MARS2: variants seen among roughly 807,000 people sequenced by gnomAD.
MARS2 encodes the protein methionine--tRNA ligase, mitochondrial.
Under a neutral mutation model 43.8 loss-of-function variants are expected in MARS2, and 33 were observed. The ratio of observed to expected loss-of-function variants is 0.75; its 90% CI spans 0.57 to 1.01. MARS2 has a LOEUF of 1.01. MARS2 is among the 50% of genes least tolerant of loss of function. MARS2 has a pLI of 0.00. For missense variants in MARS2, 720 were observed against 763.0 expected (o/e 0.94, Z 0.66); for synonymous variants, 351 against 325.5 (o/e 1.08, Z -0.84).
rs755607289 is a variant in MARS2 at position 197,706,779 on chromosome 2, G to C, written c.1374G>C (p.Lys458Asn). ...ALVSAVATLP[K>N]QVADHYDNFR... ...TGAGCGCAGTGGCCACTTTGCCAAA[G>C]CAGGTAGCAGACCACTATGATAACT... The change falls in exon 1 of 1, where the codon AAG becomes AAC. Residue 458 changes from lysine (K) to asparagine (N), a missense_variant. Lys to Asn is a moderately conservative substitution (Grantham distance 94). Transcript: ENST00000282276. 12 of 1,614,126 alleles carry C rather than the reference G, an allele frequency of 7.4e-6. No individual in the cohort carries two copies. In the East Asian group the frequency reaches 2.7e-4, roughly 36 times the overall value.
chr2:197,705,399 C>G lies in MARS2; in HGVS notation c.-7C>G, dbSNP rs776889693. 4.4e-6 allele frequency: 7 copies of G among 1,604,246 alleles called. No homozygotes were observed. The African/African-American group carries it at 6.7e-5, about 15-fold the overall frequency. ...GCCGCCTCCTCCGCTTGCGGCCGGT[C>G]TGCACCATGCTGCGAACGTCCGTCC... On this transcript the variant is annotated 5_prime_UTR_variant, in exon 1 of 1. Coordinates refer to ENST00000282276, the MANE Select transcript of MARS2 (RefSeq NM_138395.4).
In MARS2 at chr2:197,705,417, G is replaced by T. The variant is rs114975857; in HGVS notation, c.12G>T (p.Thr4=). MLR[T]SVLRLLGRTG... is the part of the protein sequence containing the mutation. ...GGCCGGTCTGCACCATGCTGCGAAC[G>T]TCCGTCCTCCGCCTGCTAGGACGCA... is the stretch of plus-strand genomic sequence containing the variant. Residue 4 remains threonine (T), a synonymous_variant, in exon 1 of 1, where the codon ACG becomes ACT. Coordinates refer to ENST00000282276, the MANE Select transcript of MARS2 (RefSeq NM_138395.4). 9 of 1,609,944 alleles carry T rather than the reference G, an allele frequency of 5.6e-6. No homozygotes were observed. In the Admixed American group the frequency reaches 1.2e-4, roughly 21 times the overall value.
chr2:197,706,192 C>G lies in MARS2; in HGVS notation c.787C>G (p.His263Asp), dbSNP rs754854652. 6.2e-7 allele frequency: 1 copy of G among 1,614,254 alleles called. No individual in the cohort carries two copies. Among genetic ancestry groups the G allele is most frequent in the South Asian group, 1.1e-5 (1 of 91,092 alleles). The part of the protein sequence containing the change: ...LSVSRRSSHL[H>D]WGIPVPGDDS... The stretch of plus-strand genomic sequence containing the variant: ...CGTGTCTCGCAGAAGTAGCCACTTG[C>G]ACTGGGGCATTCCGGTGCCCGGGGA... The change falls in exon 1 of 1, where the codon CAC becomes GAC. Residue 263 changes from histidine (H) to aspartate (D), a missense_variant. Physicochemically the swap from His to Asp is moderately conservative, Grantham distance 81. Transcript: ENST00000282276.
Position 197,705,440 on chromosome 2 carries a change from G to A in MARS2, c.35G>A (p.Arg12His), listed in dbSNP as rs2089465274. ...ACGTCCGTCCTCCGCCTGCTAGGACGCACGGGGGCTAGTAGGCTGTCTCTC... is the reference window on the plus strand; with the variant it reads ...ACGTCCGTCCTCCGCCTGCTAGGACACACGGGGGCTAGTAGGCTGTCTCTC... Reference protein sequence around the residue: ...LRTSVLRLLGRTGASRLSLLE... With the variant: ...LRTSVLRLLGHTGASRLSLLE... The change falls in exon 1 of 1, where the codon CGC becomes CAC. Residue 12 changes from arginine (R) to histidine (H), a missense_variant. Coordinates refer to ENST00000282276, the MANE Select transcript of MARS2 (RefSeq NM_138395.4). The A allele has an allele frequency of 6.2e-7, 1 of 1,611,998 alleles. No homozygotes were observed. The highest frequency in any genetic ancestry group is 1.7e-5 in the Admixed American group (1 of 59,950).
chr2:197,706,163 T>A lies in MARS2; in HGVS notation c.758T>A (p.Leu253Gln). Residue 253 changes from leucine (L) to glutamine (Q), a missense_variant, in exon 1 of 1, where the codon CTG becomes CAG. Transcript: ENST00000282276. ...LQWLDEELPD[L>Q]SVSRRSSHLH... ...TGGCTGGACGAGGAGCTGCCCGACC[T>A]GTCCGTGTCTCGCAGAAGTAGCCAC... 1.2e-6 allele frequency: 2 copies of A among 1,614,182 alleles called. No homozygotes were observed. The highest frequency in any genetic ancestry group is 1.7e-6 in the Non-Finnish European group (2 of 1,180,042).
rs1273656536 is a variant in MARS2 at position 197,706,208 on chromosome 2, T to G, written c.803T>G (p.Val268Gly). ...AGCCACTTGCACTGGGGCATTCCGGTGCCCGGGGATGATTCGCAGACCATC... is the reference window on the plus strand; with the variant it reads ...AGCCACTTGCACTGGGGCATTCCGGGGCCCGGGGATGATTCGCAGACCATC... ...RSSHLHWGIP[V>G]PGDDSQTIYV... Residue 268 changes from valine to glycine, a missense_variant, in exon 1 of 1, where the codon GTG becomes GGG. Transcript: ENST00000282276. The G allele has an allele frequency of 1.9e-6, 3 of 1,614,206 alleles. No individual in the cohort carries two copies. In the South Asian group the frequency reaches 3.3e-5, roughly 18 times the overall value.
rs759306911 is a variant in MARS2, at chr2:197,706,421, C to A, written c.1016C>A (p.Ser339Tyr). ...CCGCCACAGCGCATCTGTGTCCATT[C>A]CCACTGGACAGTCTGTGGCCAAAAG... Reference protein sequence around the residue: ...MSPPQRICVHSHWTVCGQKMS... With the variant: ...MSPPQRICVHYHWTVCGQKMS... The change falls in exon 1 of 1, where the codon TCC (serine) becomes TAC (tyrosine). Residue 339 changes from serine (S) to tyrosine (Y), a missense_variant. Coordinates refer to ENST00000282276, the MANE Select transcript of MARS2 (RefSeq NM_138395.4). 3.1e-6 allele frequency: 5 copies of A among 1,614,112 alleles called. No homozygotes were observed. In the South Asian group the frequency reaches 5.5e-5, roughly 18 times the overall value.
At position 197,706,293 on chromosome 2, in the gene MARS2, G is replaced by A. The variant is rs778900784; in HGVS notation, c.888G>A (p.Glu296=). The A allele has an allele frequency of 6.2e-7, 1 of 1,614,234 alleles. No homozygotes were observed. Among genetic ancestry groups the A allele is most frequent in the Middle Eastern group, 1.6e-4 (1 of 6,062 alleles). The change falls in exon 1 of 1, where the codon GAG becomes GAA. Residue 296 remains glutamate (E), a synonymous_variant. Coordinates refer to ENST00000282276, the MANE Select transcript of MARS2 (RefSeq NM_138395.4). ...YLTVIGYPNA[E]FKSWWPATSH... is the part of the protein sequence containing the mutation. ...CTGTAATTGGCTACCCAAATGCTGAGTTCAAATCTTGGTGGCCGGCCACCT... is the reference window on the plus strand; with the variant it reads ...CTGTAATTGGCTACCCAAATGCTGAATTCAAATCTTGGTGGCCGGCCACCT...
In MARS2 at chr2:197,706,471, G is replaced by A; in HGVS notation, c.1066G>A (p.Val356Met). The change falls in exon 1 of 1, where the codon GTG becomes ATG. Residue 356 changes from valine (V) to methionine (M), a missense_variant. Transcript: ENST00000282276. The part of the protein sequence containing the change: ...QKMSKSLGNV[V>M]DPRTCLNRYT... ...GATGTCCAAGAGCTTGGGCAACGTG[G>A]TGGATCCTAGGACTTGCCTTAACCG... The A allele has an allele frequency of 6.2e-7, 1 of 1,613,738 alleles. No homozygotes were observed.
Position 197,707,090 on chromosome 2 carries a change from G to A in MARS2, c.1685G>A (p.Cys562Tyr). The change falls in exon 1 of 1, where the codon TGC becomes TAC. Residue 562 changes from cysteine (C) to tyrosine (Y), a missense_variant. Cys to Tyr is a radical substitution (Grantham distance 194). Transcript: ENST00000282276. ...YFLPRFYGHP[C>Y]PFEGRRLGPE... ...TTGCCTCGATTCTATGGACATCCATGCCCTTTTGAAGGGAGGAGGCTGGGA... is the reference window on the plus strand; with the variant it reads ...TTGCCTCGATTCTATGGACATCCATACCCTTTTGAAGGGAGGAGGCTGGGA... 7 of 1,614,204 alleles carry A rather than the reference G, an allele frequency of 4.3e-6. No homozygotes were observed. The highest frequency in any genetic ancestry group is 5.9e-6 in the Non-Finnish European group (7 of 1,180,038).
rs1157126915 is a variant in MARS2, at chr2:197,707,760, A to G, written c.*573A>G. ...GTCTCCCTGCTTTGTTAATAGTCCA[A>G]CAGTTGGGTTGTGTAACATCACACT... On this transcript the variant is annotated 3_prime_UTR_variant, in exon 1 of 1. Transcript: ENST00000282276. 2 of 168,060 alleles carry G rather than the reference A, an allele frequency of 1.2e-5. No individual in the cohort carries two copies. The highest frequency in any genetic ancestry group is 2.9e-5 in the Non-Finnish European group (2 of 68,776). 10.4% of individuals were successfully genotyped at this position (168,060 alleles called of 1,614,324 possible).
At position 197,707,393 on chromosome 2, in the gene MARS2, TG is replaced by T. The variant is rs1041124636; in HGVS notation, c.*207del. The T allele has an allele frequency of 5.1e-5, 29 of 570,660 alleles. No homozygotes were observed. Among genetic ancestry groups the T allele is most frequent in the Middle Eastern group, 9.8e-4 (2 of 2,046 alleles). 35.3% of individuals were successfully genotyped at this position (570,660 alleles called of 1,614,324 possible). A position where few individuals can be genotyped will look rare whatever the true frequency, so the allele number is the denominator to read the frequency against. On this transcript the variant is annotated 3_prime_UTR_variant, in exon 1 of 1. Transcript: ENST00000282276. The stretch of plus-strand genomic sequence containing the variant: ...CCATTGATCACTGTCCTTTGTGCAT[TG>T]TGTGTCTAAGATGTCTTCAGGGGAA...
chr2:197,708,163 A>G lies in MARS2; in HGVS notation c.*976A>G, dbSNP rs1183485433. 1 of 167,202 alleles carries G rather than the reference A, an allele frequency of 6.0e-6. No individual in the cohort carries two copies. The highest frequency in any genetic ancestry group is 1.9e-4 in the East Asian group (1 of 5,332). The allele number at this position is 167,202 out of a possible 1,614,324, so 10.4% of individuals were successfully genotyped here. Reference sequence around the variant, plus strand: ...ACAGGTATGATTTAAAAATTTGTAAATAGTTCAAAAGGGCAATGTTTTCTT... The same window carrying G: ...ACAGGTATGATTTAAAAATTTGTAAGTAGTTCAAAAGGGCAATGTTTTCTT... On this transcript the variant is annotated 3_prime_UTR_variant, in exon 1 of 1. Transcript: ENST00000282276.
rs940725043 is a variant in MARS2 at position 197,706,706 on chromosome 2, G to T, written c.1301G>T (p.Gly434Val). 1 of 1,614,018 alleles carries T rather than the reference G, an allele frequency of 6.2e-7. No homozygotes were observed. The highest frequency in any genetic ancestry group is 8.5e-7 in the Non-Finnish European group (1 of 1,180,038). Reference sequence around the variant, plus strand: ...ACTACCTGCTTCCCTAGTGAGCCAGGGTTGGTGGGGCCGTCAGTTCGTGCT... The same window carrying T: ...ACTACCTGCTTCCCTAGTGAGCCAGTGTTGGTGGGGCCGTCAGTTCGTGCT... ...FCTTCFPSEPGLVGPSVRAQA... is the reference protein window; with the variant it reads ...FCTTCFPSEPVLVGPSVRAQA... Residue 434 changes from glycine (G) to valine (V), a missense_variant, in exon 1 of 1, where the codon GGG (glycine) becomes GTG (valine). Gly to Val is a moderately radical substitution (Grantham distance 109, BLOSUM62 -3). Coordinates refer to ENST00000282276, the MANE Select transcript of MARS2 (RefSeq NM_138395.4).
chr2:197,708,013 A>C lies in MARS2; in HGVS notation c.*826A>C, dbSNP rs2089489908. ...TTCTTTTTCAGACTACTGAAAAATG[A>C]CATTTACTCTGTTAAATGTTTAATA... On this transcript the variant is annotated 3_prime_UTR_variant, in exon 1 of 1. Transcript: ENST00000282276. 6.0e-6 allele frequency: 1 copy of C among 167,126 alleles called. No homozygotes were observed. 10.4% of individuals were successfully genotyped at this position (167,126 alleles called of 1,614,324 possible). A position where few individuals can be genotyped will look rare whatever the true frequency, so the allele number is the denominator to read the frequency against.
rs2089484485 is a variant in MARS2, at chr2:197,707,252, A to G, written c.*65A>G. The G allele has an allele frequency of 1.3e-5, 19 of 1,440,250 alleles. No individual in the cohort carries two copies. Among genetic ancestry groups the G allele is most frequent in the Non-Finnish European group, 1.7e-5 (18 of 1,062,666 alleles). The allele number at this position is 1,440,250 out of a possible 1,614,324, so 89.2% of individuals were successfully genotyped here. On this transcript the variant is annotated 3_prime_UTR_variant, in exon 1 of 1. Coordinates refer to ENST00000282276, the MANE Select transcript of MARS2 (RefSeq NM_138395.4). ...TGTTATCTTTTTATTTTTTATTTTC[A>G]GGAAAGTTATACTAGTATTTTCTTA...
At position 197,706,133 on chromosome 2, in the gene MARS2, T is replaced by A. The variant is rs1280825822; in HGVS notation, c.728T>A (p.Leu243His). 6.2e-7 allele frequency: 1 copy of A among 1,614,146 alleles called. No individual in the cohort carries two copies. The highest frequency in any genetic ancestry group is 8.5e-7 in the Non-Finnish European group (1 of 1,180,028). ...CCCGAACCATTTCATCACGTAGTTC[T>A]TCAGTGGCTGGACGAGGAGCTGCCC... ...ITPEPFHHVV[L>H]QWLDEELPDL... Residue 243 changes from leucine to histidine, a missense_variant, in exon 1 of 1, where the codon CTT becomes CAT. By Grantham distance (99) the Leu-to-His change is moderately conservative. Transcript: ENST00000282276.
chr2:197,706,796 A>G lies in MARS2; in HGVS notation c.1391A>G (p.Tyr464Cys), dbSNP rs371559751. The stretch of plus-strand genomic sequence containing the variant: ...TTGCCAAAGCAGGTAGCAGACCACT[A>G]TGATAACTTTCGGATATATAAGGCT... ...ATLPKQVADH[Y>C]DNFRIYKALE... Residue 464 changes from tyrosine (Y) to cysteine (C), a missense_variant, in exon 1 of 1, where the codon TAT becomes TGT. By Grantham distance (194) the Tyr-to-Cys change is radical (BLOSUM62 -2). Coordinates refer to ENST00000282276, the MANE Select transcript of MARS2 (RefSeq NM_138395.4). The G allele has an allele frequency of 3.3e-5, 53 of 1,614,018 alleles. No individual in the cohort carries two copies. Among genetic ancestry groups the G allele is most frequent in the Admixed American group, 1.2e-4 (7 of 60,012 alleles).
Position 197,705,430 on chromosome 2 carries a change from C to A in MARS2, c.25C>A (p.Leu9Met), listed in dbSNP as rs1352996754. The A allele has an allele frequency of 1.2e-6, 2 of 1,611,606 alleles. No individual in the cohort carries two copies. The highest frequency in any genetic ancestry group is 3.3e-5 in the Admixed American group (2 of 59,958). Reference protein sequence around the residue: MLRTSVLRLLGRTGASRLS... With the variant: MLRTSVLRMLGRTGASRLS... ...CATGCTGCGAACGTCCGTCCTCCGC[C>A]TGCTAGGACGCACGGGGGCTAGTAG... is the stretch of plus-strand genomic sequence containing the variant. Residue 9 changes from leucine to methionine, a missense_variant, in exon 1 of 1, where the codon CTG (leucine) becomes ATG (methionine). Transcript: ENST00000282276.
Sources: gnomAD v4.1 joint callset for allele counts on GRCh38, gnomAD v4.1.1 for gene constraint, MANE v1.5 for transcripts, NCBI Gene and HGNC (gene_info 2026-07-23, HGNC 2026-07-21) for gene names.